The following CELF2 variants were observed in gnomAD, a reference collection of about 807,000 sequenced individuals.
CELF2 encodes CUG triplet repeat RNA-binding protein 2.
A neutral mutation model predicts 62.6 loss-of-function variants in CELF2; 8 were observed. The ratio of observed to expected loss-of-function variants is 0.13; its 90% CI spans 0.07 to 0.23. CELF2 has a LOEUF of 0.23. Among genes scored for constraint, CELF2 ranks in the 10% least tolerant of loss-of-function variants. The pLI is 1.00. For synonymous variants in CELF2, 258 were observed against 250.0 expected (o/e 1.03, Z -0.30); for missense variants, 333 against 671.0 (o/e 0.50, Z 5.56).
the CELF2 span, among the ~76,000 whole-genome samples, chr10:10,571,467 T>G: frequency 6.6e-6 from 1 of 152,210 alleles, no homozygotes; most frequent in Non-Finnish European, 1.5e-5. Context: ...GTTATTAAGC[T>G]GCTGAAGTAT....
At chr10:10,627,798 T>C in the CELF2 span, among the ~76,000 whole-genome samples, 1 of 152,208 alleles carries the variant, frequency 6.6e-6, no homozygotes, top group African/African-American at 2.4e-5. Context: ...ATGAAACTGT[T>C]TTTCACTTTC....
At chr10:10,904,543 AAATATAGAAGT>A (rs1186559523) in intron 1 of CELF2, among the ~76,000 whole-genome samples, 1 of 152,110 alleles carries the variant, frequency 6.6e-6, no homozygotes, top group African/African-American at 2.4e-5. Flanking sequence ...CTCTATATTA[AAATATAGAAGT>A]CTACCTCATT....
At chr10:11,209,789 A>AG (rs2061358613) in intron 2 of CELF2, among the ~76,000 whole-genome samples, 1 of 151,266 alleles carries the variant, frequency 6.6e-6, no homozygotes, top group South Asian at 2.1e-4. Flanking sequence ...GGACTCTGGA[A>AG]AAAAAAAAGG....
In CELF2 at chr10:10,866,281, G is replaced by A. The variant is rs369236160; in HGVS notation, c.54-53683G>A. Among the ~76,000 whole-genome samples, 24 of 152,176 alleles carry A rather than the reference G, an allele frequency of 1.6e-4. No individual in the cohort carries two copies. In the South Asian group the frequency reaches 1.9e-3, roughly 12 times the overall value. On this transcript the variant is annotated intron_variant, in intron 1 of 13. Transcript: ENST00000636488. ...TCCTTCCATCTTGGAATGCCCTGGTGTAGGGAAAGGGGAGCTGTGAGGCTT... is the reference window on the plus strand; with the variant it reads ...TCCTTCCATCTTGGAATGCCCTGGTATAGGGAAAGGGGAGCTGTGAGGCTT...
At chr10:10,948,964 A>C (rs900010607) in intron 2 of CELF2, among the ~76,000 whole-genome samples, 3 of 151,826 alleles carry the variant, frequency 2.0e-5, no homozygotes, top group African/African-American at 7.3e-5. Context: ...AGGAGGAGCA[A>C]CTCCTTCACA....
At chr10:10,491,824 G>A in the CELF2 span, among the ~76,000 whole-genome samples, 7 of 152,090 alleles carry the variant, frequency 4.6e-5, no homozygotes, top group African/African-American at 1.2e-4. Flanking sequence ...TCTCCACCAC[G>A]TCTAAAGAAC....
chr10:11,031,022 C>A (rs1341120533), intron 1 of CELF2, among the ~76,000 whole-genome samples: 11 of 152,170 alleles, frequency 7.2e-5, no homozygotes, highest in Non-Finnish European at 1.5e-5. Context: ...GAAGAGGTTT[C>A]TTTGGAGGAT....
At chr10:10,579,043 T>C in the CELF2 span, among the ~76,000 whole-genome samples, 1 of 152,188 alleles carries the variant, frequency 6.6e-6, no homozygotes, top group Non-Finnish European at 1.5e-5. Context: ...ACATAGTGTC[T>C]GTTTTTGTTT....
upstream of CELF2, among the ~76,000 whole-genome samples, chr10:11,001,105 T>C (rs2054475678): frequency 6.6e-6 from 1 of 152,268 alleles, no homozygotes. Context: ...CTTGGTACAC[T>C]GCAAATCCAT....
chr10:10,949,793 T>G (rs1168931583), intron 2 of CELF2, among the ~76,000 whole-genome samples: 1 of 138,860 alleles, frequency 7.2e-6, no homozygotes. Context: ...AGAGTGAGAC[T>G]GTGTCGCAAA....
chr10:10,620,096 T>C, the CELF2 span, among the ~76,000 whole-genome samples: 2 of 152,238 alleles, frequency 1.3e-5, no homozygotes. Flanking sequence ...TAATACTTCC[T>C]ATCAGATAGT....
the CELF2 span, among the ~76,000 whole-genome samples, chr10:10,790,248 T>A: frequency 6.6e-6 from 1 of 152,112 alleles, no homozygotes; most frequent in African/African-American, 2.4e-5. Context: ...ATATTCAAGT[T>A]TTTATATTCC....
chr10:10,908,944 G>A (rs1002950657), intron 1 of CELF2, among the ~76,000 whole-genome samples: 14 of 152,106 alleles, frequency 9.2e-5, no homozygotes, highest in African/African-American at 3.4e-4. Flanking sequence ...GTGCCACCAT[G>A]CCAGGCTAAT....
At chr10:10,571,864 A>G in the CELF2 span, among the ~76,000 whole-genome samples, 1 of 152,158 alleles carries the variant, frequency 6.6e-6, no homozygotes, top group Non-Finnish European at 1.5e-5. Flanking sequence ...TGAGCGTAGG[A>G]ATGAGGAGAG....
the CELF2 span, among the ~76,000 whole-genome samples, chr10:10,580,573 C>A: frequency 6.6e-6 from 1 of 152,172 alleles, no homozygotes; most frequent in African/African-American, 2.4e-5. Context: ...CTTCATTTTT[C>A]TGGGCCTCAG....
At chr10:10,646,382 C>T in the CELF2 span, among the ~76,000 whole-genome samples, 3 of 152,216 alleles carry the variant, frequency 2.0e-5, no homozygotes, top group Admixed American at 1.3e-4. Context: ...AATTGATGCT[C>T]ATCCACAAAT....
intron 2 of CELF2, among the ~76,000 whole-genome samples, chr10:11,206,085 C>G (rs1159766400): frequency 1.3e-5 from 2 of 152,170 alleles, no homozygotes; most frequent in Non-Finnish European, 2.9e-5. Flanking sequence ...TCAGAGGCAC[C>G]TAGAACCCTT....
chr10:10,656,652 A>G, the CELF2 span, among the ~76,000 whole-genome samples: 106 of 121,394 alleles, frequency 8.7e-4, no homozygotes, highest in Non-Finnish European at 1.6e-3. Context: ...ATTCTCACTC[A>G]TAGGTGGGAA....
chr10:10,584,925 A>G, the CELF2 span, among the ~76,000 whole-genome samples: 1 of 152,166 alleles, frequency 6.6e-6, no homozygotes, highest in Non-Finnish European at 1.5e-5. Context: ...GGGCAGTTCT[A>G]AAGTCTAAGA....
Sources: gnomAD v4.1 joint callset for allele counts (sites outside exome capture counted in the v4.1 genomes callset) on GRCh38, gnomAD v4.1.1 for gene constraint, MANE v1.5 for transcripts, NCBI Gene and HGNC (gene_info 2026-07-23, HGNC 2026-07-21) for gene names.